The following GRHL2 variants were observed in gnomAD, a reference collection of about 807,000 sequenced individuals.
The protein encoded by GRHL2 is grainyhead like transcription factor 2.
GRHL2 carries 21 observed loss-of-function variants against 83.8 expected under a neutral mutation model. That is an observed-to-expected ratio of 0.25 (90% confidence interval 0.18 to 0.36). The LOEUF is 0.36. Among genes scored for constraint, GRHL2 ranks in the 10% least tolerant of loss-of-function variants. GRHL2 has a pLI of 1.00. For synonymous variants in GRHL2, 280 were observed against 278.9 expected (o/e 1.00, Z -0.04); for missense variants, 623 against 781.8 (o/e 0.80, Z 2.42).
chr8:101,658,990 G>C (rs547686882), intron 14 of GRHL2, among the ~76,000 whole-genome samples: 126 of 152,174 alleles, frequency 8.3e-4, no homozygotes, highest in African/African-American at 2.9e-3. Context: ...GAAATATATG[G>C]ACCCTTTACA....
chr8:101,666,333 T>TTACTC (rs1299758431), intron 15 of GRHL2, among the ~76,000 whole-genome samples: 1 of 152,124 alleles, frequency 6.6e-6, no homozygotes, highest in Non-Finnish European at 1.5e-5. Context: ...GGGCCTCAGT[T>TTACTC]TACTCATCTA....
chr8:101,562,440 G>A, intron 4 of GRHL2: 2 of 467,188 alleles, frequency 4.3e-6, no homozygotes, highest in East Asian at 8.8e-5. Context: ...GTCATGCCGT[G>A]GCCAGGGTAG....
rs891167491 is a variant in GRHL2 at position 101,492,525 on chromosome 8, C to T, written c.-245C>T. 2.6e-5 allele frequency: 16 copies of T among 609,724 alleles called. No individual in the cohort carries two copies. Among genetic ancestry groups the T allele is most frequent in the Non-Finnish European group, 4.4e-5 (15 of 340,004 alleles). 37.8% of individuals were successfully genotyped at this position (609,724 alleles called of 1,614,324 possible). On this transcript the variant is annotated 5_prime_UTR_variant, in exon 1 of 16. Coordinates refer to ENST00000646743, the MANE Select transcript of GRHL2 (RefSeq NM_024915.4). ...CGATCCAGGAGGACTCCGCGCCGCC[C>T]GGCCGCCTCCGAGCTCGGGCCCCAT... is the stretch of plus-strand genomic sequence containing the variant.
At chr8:101,646,151 G>C (rs184640318) in intron 13 of GRHL2, among the ~76,000 whole-genome samples, 1 of 152,292 alleles carries the variant, frequency 6.6e-6, no homozygotes, top group East Asian at 1.9e-4. Flanking sequence ...ACAGGTATTA[G>C]CCACCATGCC....
downstream of GRHL2, among the ~76,000 whole-genome samples, chr8:101,674,046 A>G (rs1010920591): frequency 9.9e-5 from 15 of 152,142 alleles, no homozygotes; most frequent in African/African-American, 1.9e-4. Flanking sequence ...TCTCTGGGAC[A>G]CATTCAAAGC....
intron 1 of GRHL2, among the ~76,000 whole-genome samples, chr8:101,500,406 C>G (rs1810202245): frequency 6.6e-6 from 1 of 152,172 alleles, no homozygotes. Context: ...CTCTTCAGAT[C>G]AGTTTTGTTT....
Position 101,555,791 on chromosome 8 carries a change from A to G in GRHL2, c.285-2628A>G, listed in dbSNP as rs541583134. On this transcript the variant is annotated intron_variant, in intron 3 of 15. Transcript: ENST00000646743. Reference sequence around the variant, plus strand: ...TTTTAGATATCTTAAATATTTTTCTATTTGCTGTGTTCATGTGGAGAAATT... The same window carrying G: ...TTTTAGATATCTTAAATATTTTTCTGTTTGCTGTGTTCATGTGGAGAAATT... 2.6e-5 allele frequency among the ~76,000 whole-genome samples: 4 copies of G among 152,198 alleles called. No individual in the cohort carries two copies. In the South Asian group the frequency reaches 8.3e-4, roughly 32 times the overall value.
chr8:101,523,590 C>T (rs7010724), intron 1 of GRHL2, among the ~76,000 whole-genome samples: 2,250 of 152,048 alleles, frequency 0.015, 73 homozygotes, highest in African/African-American at 0.05. Context: ...ATCCTTCCAC[C>T]TCAGCCTCCC....
At position 101,570,640 on chromosome 8, in the gene GRHL2, C is replaced by A. The variant is rs113751811; in HGVS notation, c.734+246C>A. Among the ~76,000 whole-genome samples, 925 of 147,782 alleles carry A rather than the reference C, an allele frequency of 6.3e-3. 10 individuals carry two copies. Among genetic ancestry groups the A allele is most frequent in the African/African-American group, 0.021 (873 of 41,388 alleles). ...GGCTAGACATTCTTTTGTAGGTGTT[C>A]CTCTGAACCTCATACTCATGTGCTT... is the stretch of plus-strand genomic sequence containing the variant. On this transcript the variant is annotated intron_variant, in intron 5 of 15. Transcript: ENST00000646743.
At chr8:101,628,364 A>T (rs1157443023) in intron 9 of GRHL2, among the ~76,000 whole-genome samples, 3 of 151,988 alleles carry the variant, frequency 2.0e-5, no homozygotes, top group East Asian at 1.9e-4. Context: ...ATGACAGCTT[A>T]TGTGTTTTTG....
chr8:101,576,343 T>C (rs145503437), intron 6 of GRHL2, among the ~76,000 whole-genome samples: 31 of 152,256 alleles, frequency 2.0e-4, no homozygotes, highest in Non-Finnish European at 3.4e-4. Flanking sequence ...GCCTTCCAAG[T>C]AGCTGGGACT....
intron 3 of GRHL2, 66 bp from the exon 4 acceptor site, chr8:101,558,353 C>A: frequency 6.4e-7 from 1 of 1,571,664 alleles, no homozygotes; most frequent in Non-Finnish European, 8.7e-7. Flanking sequence ...ATTGGTTATT[C>A]TATTAGGCGT....
intron 14 of GRHL2, among the ~76,000 whole-genome samples, chr8:101,662,599 CT>C (rs1813945339): frequency 6.6e-6 from 1 of 152,210 alleles, no homozygotes; most frequent in South Asian, 2.1e-4. Flanking sequence ...GCCCCACCAG[CT>C]GCTGGGCTCA....
chr8:101,624,293 A>G (rs1813032264), intron 9 of GRHL2, among the ~76,000 whole-genome samples: 1 of 151,702 alleles, frequency 6.6e-6, no homozygotes, highest in African/African-American at 2.4e-5. Flanking sequence ...GACAGTTTCC[A>G]TGACACAGCA....
rs561693958 is a variant in GRHL2 at position 101,543,303 on chromosome 8, C to T, written c.83C>T (p.Ala28Val). 3 of 1,614,038 alleles carry T rather than the reference C, an allele frequency of 1.9e-6. No individual in the cohort carries two copies. The highest frequency in any genetic ancestry group is 1.7e-6 in the Non-Finnish European group (2 of 1,179,964). The change falls in exon 2 of 16, where the codon GCC (alanine) becomes GTC (valine). Residue 28 changes from alanine (A) to valine (V), a missense_variant. Physicochemically the swap from Ala to Val is moderately conservative, Grantham distance 64. This residue lies in a region of GRHL2 where 39 missense variants were observed against 34.8 expected (regional missense o/e 1.12). Coordinates refer to ENST00000646743, the MANE Select transcript of GRHL2 (RefSeq NM_024915.4). The stretch of plus-strand genomic sequence containing the variant: ...GACCCTCCATTCAATACCCGAAGAG[C>T]CTACACCAGTGAGGATGAAGCCTGG... The part of the protein sequence containing the change: ...PSDPPFNTRR[A>V]YTSEDEAWKS...
chr8:101,560,873 A>T (rs1240801929), intron 4 of GRHL2, among the ~76,000 whole-genome samples: 2 of 152,142 alleles, frequency 1.3e-5, no homozygotes, highest in African/African-American at 4.8e-5. Flanking sequence ...AAGTTGTAAG[A>T]GTTCTTTATA....
At chr8:101,554,653 A>G (rs1467157555) in intron 3 of GRHL2, among the ~76,000 whole-genome samples, 2 of 152,238 alleles carry the variant, frequency 1.3e-5, no homozygotes, top group Non-Finnish European at 2.9e-5. Flanking sequence ...TTAAGTTGCT[A>G]TATGTTAATA....
At chr8:101,627,235 A>G (rs1437517992) in intron 9 of GRHL2, among the ~76,000 whole-genome samples, 1 of 152,098 alleles carries the variant, frequency 6.6e-6, no homozygotes, top group African/African-American at 2.4e-5. Context: ...ACAACCCTGT[A>G]TTGATCAAGT....
chr8:101,679,329 T>C, the GRHL2 span, among the ~76,000 whole-genome samples: 1 of 149,366 alleles, frequency 6.7e-6, no homozygotes, highest in Non-Finnish European at 1.5e-5. Flanking sequence ...GTATCAGCAA[T>C]GGAAGATGAA....
Sources: allele counts gnomAD v4.1 joint callset (sites outside exome capture counted in the v4.1 genomes callset), GRCh38; gene constraint gnomAD v4.1.1; regional missense constraint gnomAD v4.1.1; transcripts MANE v1.5; gene names NCBI Gene and HGNC (gene_info 2026-07-23, HGNC 2026-07-21).